Variants in PPP1R12A observed in about 807,000 individuals in gnomAD.
The protein encoded by PPP1R12A is myosin binding subunit.
Under a neutral mutation model 139.6 loss-of-function variants are expected in PPP1R12A, and 19 were observed. The observed-to-expected ratio is 0.14, with a 90% CI of 0.09 to 0.20. PPP1R12A has a LOEUF of 0.20. Ranked by LOEUF, PPP1R12A falls within the 10% of genes least tolerant of loss-of-function variation. The pLI is 1.00. For missense variants in PPP1R12A, 925 were observed against 1,211.5 expected (o/e 0.76, Z 3.51); for synonymous variants, 427 against 420.6 (o/e 1.02, Z -0.19).
At chr12:79,803,337 G>A (rs1182477755) in intron 14 of PPP1R12A, among the ~76,000 whole-genome samples, 1 of 152,050 alleles carries the variant, frequency 6.6e-6, no homozygotes, top group East Asian at 1.9e-4. Context: ...TAATTGCAAA[G>A]AGCTGATCAT....
intron 9 of PPP1R12A, among the ~76,000 whole-genome samples, chr12:79,811,515 A>G (rs1874530738): frequency 6.6e-6 from 1 of 152,222 alleles, no homozygotes; most frequent in Non-Finnish European, 1.5e-5. Context: ...TGCCAGTGGC[A>G]CTGTGAAAAA....
chr12:79,778,523 C>G, intron 24 of PPP1R12A, 27 bp downstream of exon 24: 3 of 1,432,712 alleles, frequency 2.1e-6, no homozygotes, highest in Admixed American at 2.2e-5. Context: ...ACAGCACTCT[C>G]TCTCATAAGT....
In PPP1R12A at chr12:79,797,198, A is replaced by G. The variant is rs1348878599; in HGVS notation, c.2289T>C (p.Asp763=). 16 of 1,581,028 alleles carry G rather than the reference A, an allele frequency of 1.0e-5. No individual in the cohort carries two copies. Among genetic ancestry groups the G allele is most frequent in the African/African-American group, 4.1e-5 (3 of 73,832 alleles). ...TGTGCTTTTGATATACTGTTACCTC[A>G]TCATACGTTCTGGAGTACTTTTGTT... ...EYKQKYSRTY[D]ETYQRYRPVS... Residue 763 remains aspartate, a synonymous_variant, in exon 16 of 25, where the codon GAT becomes GAC. Transcript: ENST00000450142.
chr12:79,839,234 C>G (rs1377406124), intron 3 of PPP1R12A, among the ~76,000 whole-genome samples: 3 of 152,208 alleles, frequency 2.0e-5, no homozygotes, highest in African/African-American at 7.2e-5. Flanking sequence ...TTTCTCCCAT[C>G]TGGAACAGGT....
Position 79,806,319 on chromosome 12 carries a change from C to G in PPP1R12A, c.1670G>C (p.Arg557Thr). 1 of 1,613,500 alleles carries G rather than the reference C, an allele frequency of 6.2e-7. No homozygotes were observed. The highest frequency in any genetic ancestry group is 1.1e-5 in the South Asian group (1 of 91,052). Reference protein sequence around the residue: ...STYHKSCSFGRRQDDLISSSV... With the variant: ...STYHKSCSFGTRQDDLISSSV... ...AGAACTAATCAAATCATCTTGTCTT[C>G]TACCAAAGGAGCAACTAAACAAAAG... The change falls in exon 13 of 25, where the codon AGA (arginine) becomes ACA (threonine). Residue 557 changes from arginine (R) to threonine (T), a missense_variant. Transcript: ENST00000450142.
intron 14 of PPP1R12A, among the ~76,000 whole-genome samples, chr12:79,800,934 C>A (rs1052600497): frequency 8.6e-5 from 13 of 151,776 alleles, no homozygotes; most frequent in African/African-American, 2.9e-4. Flanking sequence ...GGGGTTTCAC[C>A]CTGTTAGCCA....
chr12:79,866,303 C>G (rs1366728292), intron 2 of PPP1R12A, among the ~76,000 whole-genome samples: 1 of 152,180 alleles, frequency 6.6e-6, no homozygotes, highest in Non-Finnish European at 1.5e-5. Context: ...TTCTTTACAA[C>G]TTATACAAAA....
At chr12:79,782,572 T>A in intron 22 of PPP1R12A, 1 of 455,474 alleles carries the variant, frequency 2.2e-6, no homozygotes. Flanking sequence ...TTAGCCTACC[T>A]GTTGTATCCT....
chr12:79,798,581 T>G lies in PPP1R12A; in HGVS notation c.2004A>C (p.Ser668=). The change falls in exon 15 of 25, where the codon TCA becomes TCC. Residue 668 remains serine, a synonymous_variant. Transcript: ENST00000450142. ...CTTCATCCCTAACAGGAGTGAGGTA[T>G]GATCTACAGTAGTAAATTGAAAAAT... ...STTEVRERRR[S]YLTPVRDEES... is the part of the protein sequence containing the mutation. 1 of 1,537,480 alleles carries G rather than the reference T, an allele frequency of 6.5e-7. No individual in the cohort carries two copies. The highest frequency in any genetic ancestry group is 1.2e-5 in the South Asian group (1 of 82,856).
chr12:79,832,532 A>C, intron 3 of PPP1R12A, 41 bp from the exon 4 acceptor site: 1 of 1,536,310 alleles, frequency 6.5e-7, no homozygotes, highest in Middle Eastern at 1.7e-4. Context: ...TTGCTTAAAA[A>C]TTGTTCCATG....
intron 14 of PPP1R12A, among the ~76,000 whole-genome samples, chr12:79,800,027 T>A (rs1872920657): frequency 6.6e-6 from 1 of 151,128 alleles, no homozygotes; most frequent in Non-Finnish European, 1.5e-5. Flanking sequence ...AATTAAAGAG[T>A]CAAACAAGCA....
At chr12:79,911,452 A>C (rs550466164) in intron 1 of PPP1R12A, among the ~76,000 whole-genome samples, 1 of 152,240 alleles carries the variant, frequency 6.6e-6, no homozygotes, top group African/African-American at 2.4e-5. Flanking sequence ...CTGAGGGTGG[A>C]GGGTGGGAGA....
At chr12:79,868,474 T>C (rs1882224638) in intron 2 of PPP1R12A, among the ~76,000 whole-genome samples, 1 of 151,646 alleles carries the variant, frequency 6.6e-6, no homozygotes, top group African/African-American at 2.4e-5. Flanking sequence ...GCTTAAACAA[T>C]AGAAATATTA....
chr12:79,822,196 T>G lies in PPP1R12A; in HGVS notation c.793-6A>C. 6.3e-7 allele frequency: 1 copy of G among 1,577,384 alleles called. No individual in the cohort carries two copies. The highest frequency in any genetic ancestry group is 1.1e-5 in the South Asian group (1 of 87,018). On this transcript the variant is annotated splice_polypyrimidine_tract_variant and splice_region_variant and intron_variant, in intron 5 of 24. Transcript: ENST00000450142. ...ACATCAAAGGCTGTTTGGCCCTACG[T>G]AGGAAACAAGGGGGGATGGTGATGG... is the stretch of plus-strand genomic sequence containing the variant.
Position 79,934,733 on chromosome 12 carries a change from T to C in PPP1R12A, c.199A>G (p.Asn67Asp). ...GTGAGTCCGTCCACATTGGCGTAATTGATGTCGGCGCCGCGGTGCAGCAGC... is the reference window on the plus strand; with the variant it reads ...GTGAGTCCGTCCACATTGGCGTAATCGATGTCGGCGCCGCGGTGCAGCAGC... The part of the protein sequence containing the change: ...LKLLHRGADI[N>D]YANVDGLTAL... The change falls in exon 1 of 25, where the codon AAT becomes GAT. Residue 67 changes from asparagine (N) to aspartate (D), a missense_variant. This residue lies in a region of PPP1R12A where 199 missense variants were observed against 352.4 expected (regional missense o/e 0.56). Coordinates refer to ENST00000450142, the MANE Select transcript of PPP1R12A (RefSeq NM_002480.3). The C allele has an allele frequency of 6.5e-7, 1 of 1,549,592 alleles. No homozygotes were observed. The highest frequency in any genetic ancestry group is 8.7e-7 in the Non-Finnish European group (1 of 1,145,814).
chr12:79,913,933 T>C (rs981158083), intron 1 of PPP1R12A: 3 of 152,158 alleles, frequency 2.0e-5, no homozygotes, highest in Non-Finnish European at 2.9e-5. Flanking sequence ...GGAGCTTGTA[T>C]GTGACATCAC....
intron 1 of PPP1R12A, among the ~76,000 whole-genome samples, chr12:79,920,918 G>C (rs575285740): frequency 6.6e-6 from 1 of 152,274 alleles, no homozygotes; most frequent in Non-Finnish European, 1.5e-5. Context: ...AAAGAAAACA[G>C]GACTAATACA....
chr12:79,808,450 G>C, intron 11 of PPP1R12A, 33 bp downstream of exon 11: 1 of 1,372,656 alleles, frequency 7.3e-7, no homozygotes, highest in Non-Finnish European at 1.0e-6. Context: ...AGATTTTATA[G>C]TGAATGCATA....
chr12:79,881,338 G>A (rs1409805142), intron 1 of PPP1R12A, among the ~76,000 whole-genome samples: 1 of 152,172 alleles, frequency 6.6e-6, no homozygotes, highest in African/African-American at 2.4e-5. Context: ...AATTAAAAGT[G>A]CTACTCCAGT....
Sources: allele counts gnomAD v4.1 joint callset (sites outside exome capture counted in the v4.1 genomes callset), GRCh38; gene constraint gnomAD v4.1.1; regional missense constraint gnomAD v4.1.1; transcripts MANE v1.5; gene names NCBI Gene and HGNC (gene_info 2026-07-23, HGNC 2026-07-21).